SEMA3A: variants seen among roughly 807,000 people sequenced by gnomAD.
SEMA3A encodes the protein semaphorin 3A.
Under a neutral mutation model 97.9 loss-of-function variants are expected in SEMA3A, and 29 were observed. That is an observed-to-expected ratio of 0.30 (90% CI 0.22 to 0.40). The LOEUF (loss-of-function observed/expected upper bound fraction) is 0.40. Among genes scored for constraint, SEMA3A ranks in the 10% least tolerant of loss-of-function variants. The pLI is 1.00. For missense variants in SEMA3A, 763 were observed against 951.3 expected (o/e 0.80, Z 2.60); for synonymous variants, 321 against 323.7 (o/e 0.99, Z 0.09).
At chr7:84,144,477 A>G (rs2116087697) in intron 1 of SEMA3A, among the ~76,000 whole-genome samples, 1 of 152,270 alleles carries the variant, frequency 6.6e-6, no homozygotes, top group Non-Finnish European at 1.5e-5. Context: ...ATAAAACATA[A>G]AAATAGATTG....
At chr7:84,186,182 G>A (rs1266853677) in intron 1 of SEMA3A, among the ~76,000 whole-genome samples, 1 of 152,062 alleles carries the variant, frequency 6.6e-6, no homozygotes, top group Non-Finnish European at 1.5e-5. Context: ...TATCATTCAA[G>A]GCCCACCTTC....
At position 84,005,451 on chromosome 7, in the gene SEMA3A, C is replaced by T; in HGVS notation, c.1248G>A (p.Met416Ile). 1 of 1,613,708 alleles carries T rather than the reference C, an allele frequency of 6.2e-7. No individual in the cohort carries two copies. Among genetic ancestry groups the T allele is most frequent in the South Asian group, 1.1e-5 (1 of 91,060 alleles). The stretch of plus-strand genomic sequence containing the variant: ...TTTTGATCACTATTGGGCGATTGTT[C>T]ATAGGAAACACTGGATTGTACATGG... Reference protein sequence around the residue: ...HPAMYNPVFPMNNRPIVIKTD... With the variant: ...HPAMYNPVFPINNRPIVIKTD... The change falls in exon 11 of 17, where the codon ATG becomes ATA. Residue 416 changes from methionine (M) to isoleucine (I), a missense_variant. Met to Ile is a conservative substitution (Grantham distance 10). Around this residue, in one of 2 missense-constraint regions of SEMA3A, gnomAD observed 678 missense variants for 881.3 expected, o/e 0.77. Transcript: ENST00000265362.
chr7:84,484,545 T>TCA (rs10573589), intron 1 of SEMA3A, among the ~76,000 whole-genome samples: 1,589 of 149,356 alleles, frequency 0.011, 20 homozygotes, highest in East Asian at 0.021. Context: ...TTGTTCACTT[T>TCA]CACACACACA....
intron 1 of SEMA3A, among the ~76,000 whole-genome samples, chr7:84,417,143 A>T (rs933604945): frequency 6.6e-6 from 1 of 152,120 alleles, no homozygotes; most frequent in South Asian, 2.1e-4. Flanking sequence ...TGCTCCAACC[A>T]TGAACAAAGG....
At chr7:84,299,927 C>A (rs1472789392) in intron 3 of SEMA3A, among the ~76,000 whole-genome samples, 1 of 148,258 alleles carries the variant, frequency 6.7e-6, no homozygotes, top group Non-Finnish European at 1.5e-5. Context: ...AGCTGCTTGG[C>A]AGGCTGAGGC....
intron 3 of SEMA3A, among the ~76,000 whole-genome samples, chr7:84,285,525 T>A (rs931639070): frequency 6.6e-6 from 1 of 152,202 alleles, no homozygotes; most frequent in Admixed American, 6.6e-5. Context: ...AGGCTGGTGA[T>A]GCCAACAATT....
intron 2 of SEMA3A, among the ~76,000 whole-genome samples, chr7:84,312,484 C>T (rs1479057727): frequency 6.6e-6 from 1 of 151,514 alleles, no homozygotes; most frequent in East Asian, 2.0e-4. Context: ...TATCATACAA[C>T]TAAAATAACC....
At chr7:84,431,675 G>C (rs1297670261) in intron 1 of SEMA3A, among the ~76,000 whole-genome samples, 1 of 151,464 alleles carries the variant, frequency 6.6e-6, no homozygotes, top group East Asian at 1.9e-4. Flanking sequence ...AAAATAATTT[G>C]ATCTAAGAAT....
chr7:84,007,218 C>T, intron 10 of SEMA3A, 135 bp downstream of exon 10: 1 of 644,916 alleles, frequency 1.6e-6, no homozygotes, highest in African/African-American at 1.9e-5. Context: ...AAATCTTTGT[C>T]TTGCTTTAAT....
chr7:84,416,405 C>T (rs938508632), intron 1 of SEMA3A, among the ~76,000 whole-genome samples: 1 of 152,058 alleles, frequency 6.6e-6, no homozygotes, highest in Non-Finnish European at 1.5e-5. Context: ...TCTTTTTCTT[C>T]CTAGTCTCAG....
chr7:84,157,751 A>G (rs571659799), intron 1 of SEMA3A, among the ~76,000 whole-genome samples: 1 of 152,234 alleles, frequency 6.6e-6, no homozygotes, highest in South Asian at 2.1e-4. Flanking sequence ...TGCCACCACT[A>G]CTGCCCTAGT....
chr7:84,298,981 A>T (rs1328148424), intron 3 of SEMA3A, among the ~76,000 whole-genome samples: 1 of 152,036 alleles, frequency 6.6e-6, no homozygotes, highest in African/African-American at 2.4e-5. Flanking sequence ...CTTGAACATC[A>T]GACTCCAAGT....
chr7:84,271,019 G>A (rs1420405550), intron 3 of SEMA3A, among the ~76,000 whole-genome samples: 1 of 151,790 alleles, frequency 6.6e-6, no homozygotes, highest in Non-Finnish European at 1.5e-5. Context: ...TTTATATCCG[G>A]AATCAATTTG....
At chr7:84,414,152 T>C (rs1160652480) in intron 1 of SEMA3A, among the ~76,000 whole-genome samples, 1 of 152,154 alleles carries the variant, frequency 6.6e-6, no homozygotes, top group Non-Finnish European at 1.5e-5. Context: ...TTTGTTTTCT[T>C]GTTTTATATT....
intron 6 of SEMA3A, among the ~76,000 whole-genome samples, chr7:84,038,618 C>T (rs1792026806): frequency 6.6e-6 from 1 of 151,964 alleles, no homozygotes; most frequent in African/African-American, 2.4e-5. Flanking sequence ...TGTTAACAAT[C>T]ATCCCAAAGA....
intron 12 of SEMA3A, among the ~76,000 whole-genome samples, chr7:84,000,116 CCT>C (rs1562964346): frequency 6.7e-6 from 1 of 149,900 alleles, no homozygotes; most frequent in Non-Finnish European, 1.5e-5. Flanking sequence ...TTTATCCACC[CCT>C]GAGTGCCTGT....
At chr7:84,321,478 C>A (rs988045425) in intron 2 of SEMA3A, among the ~76,000 whole-genome samples, 5 of 152,084 alleles carry the variant, frequency 3.3e-5, no homozygotes, top group African/African-American at 1.2e-4. Context: ...ACCAGACTGC[C>A]TGGGTTGATA....
At chr7:84,284,333 G>A (rs996131140) in intron 3 of SEMA3A, among the ~76,000 whole-genome samples, 18 of 152,054 alleles carry the variant, frequency 1.2e-4, no homozygotes, top group Admixed American at 2.6e-4. Flanking sequence ...CAAAGGATTC[G>A]ATTATCATTT....
chr7:84,132,770 G>C (rs1796005289), intron 2 of SEMA3A, among the ~76,000 whole-genome samples: 2 of 135,896 alleles, frequency 1.5e-5, no homozygotes. Flanking sequence ...CTGCCTCCCA[G>C]GTTCAAGCCA....
Sources: allele counts gnomAD v4.1 joint callset (sites outside exome capture counted in the v4.1 genomes callset), GRCh38; gene constraint gnomAD v4.1.1; regional missense constraint gnomAD v4.1.1; transcripts MANE v1.5; gene names NCBI Gene and HGNC (gene_info 2026-07-23, HGNC 2026-07-21).